LPP: variants seen among roughly 807,000 people sequenced by gnomAD.
The protein encoded by LPP is lipoma-preferred partner.
A neutral mutation model predicts 60.4 loss-of-function variants in LPP; 38 were observed. The ratio of observed to expected loss-of-function variants is 0.63; its 90% CI spans 0.49 to 0.83. LPP has a LOEUF of 0.83. Among genes scored for constraint, LPP ranks in the 40% least tolerant of loss-of-function variants. The pLI, the probability that LPP is intolerant of heterozygous loss-of-function variation, is 0.00. For missense variants in LPP, 902 were observed against 783.6 expected, an observed-to-expected ratio of 1.15 and a Z score of -1.80; for synonymous variants, 328 against 290.8, an observed-to-expected ratio of 1.13 and a Z score of -1.30.
intron 7 of LPP, among the ~76,000 whole-genome samples, chr3:188,690,252 C>T (rs148985506): frequency 6.6e-5 from 10 of 152,260 alleles, no homozygotes; most frequent in East Asian, 3.9e-4. Context: ...CTCTGGCTCC[C>T]GAGTCCAGTG....
chr3:188,682,662 A>C (rs1859786027), intron 7 of LPP, among the ~76,000 whole-genome samples: 1 of 152,240 alleles, frequency 6.6e-6, no homozygotes, highest in Non-Finnish European at 1.5e-5. Flanking sequence ...ATTGTAGCTC[A>C]TGTTGGCAAG....
At chr3:188,592,927 A>C (rs1312597976) in intron 6 of LPP, among the ~76,000 whole-genome samples, 1 of 152,158 alleles carries the variant, frequency 6.6e-6, no homozygotes, top group Non-Finnish European at 1.5e-5. Flanking sequence ...ATATTATTTT[A>C]TTTAAACATT....
chr3:188,535,125 G>T (rs3796287), intron 6 of LPP, among the ~76,000 whole-genome samples: 72,312 of 151,820 alleles, frequency 0.48, 18,105 homozygotes, highest in East Asian at 0.92. Flanking sequence ...AACCATTTGC[G>T]CATTTTGGTC....
At chr3:188,867,684 AG>A (rs769807362) in intron 10 of LPP, among the ~76,000 whole-genome samples, 9 of 152,196 alleles carry the variant, frequency 5.9e-5, no homozygotes, top group Non-Finnish European at 1.3e-4. Flanking sequence ...CTAAACCTAT[AG>A]ATATGATCTG....
At chr3:188,703,932 A>AT (rs1162535772) in intron 7 of LPP, among the ~76,000 whole-genome samples, 4 of 152,172 alleles carry the variant, frequency 2.6e-5, no homozygotes, top group Non-Finnish European at 5.9e-5. Context: ...AGGGAAACTG[A>AT]TATTAGGTTG....
At chr3:188,233,850 G>A (rs556234427) in intron 2 of LPP, among the ~76,000 whole-genome samples, 16 of 151,696 alleles carry the variant, frequency 1.1e-4, no homozygotes, top group African/African-American at 3.4e-4. Flanking sequence ...CATTTTCTTC[G>A]CTCCCAATCC....
chr3:188,484,666 C>T lies in LPP; in HGVS notation c.268C>T (p.Pro90Ser). 1.2e-6 allele frequency: 2 copies of T among 1,613,732 alleles called. No individual in the cohort carries two copies. Among genetic ancestry groups the T allele is most frequent in the Admixed American group, 1.7e-5 (1 of 60,016 alleles). Residue 90 changes from proline (P) to serine (S), a missense_variant, in exon 5 of 12, where the codon CCT becomes TCT. Physicochemically the swap from Pro to Ser is moderately conservative, Grantham distance 74. Coordinates refer to ENST00000617246, the MANE Select transcript of LPP (RefSeq NM_001375462.1). Reference sequence around the variant, plus strand: ...TCCATCTATCTCTGGAAACTTTCCTCCTCCACCACCTCTTGATGAAGAGGC... The same window carrying T: ...TCCATCTATCTCTGGAAACTTTCCTTCTCCACCACCTCTTGATGAAGAGGC... Reference protein sequence around the residue: ...ALPSISGNFPPPPPLDEEAFK... With the variant: ...ALPSISGNFPSPPPLDEEAFK...
intron 6 of LPP, among the ~76,000 whole-genome samples, chr3:188,561,695 A>C (rs976647809): frequency 6.6e-6 from 1 of 151,994 alleles, no homozygotes; most frequent in Non-Finnish European, 1.5e-5. Context: ...AGCATGTTCT[A>C]CTTCCCACTT....
rs192101401 is a variant in LPP, at chr3:188,563,744, T to C, written c.429+38957T>C. Among the ~76,000 whole-genome samples, 356 of 151,656 alleles carry C rather than the reference T, an allele frequency of 2.3e-3. 2 individuals are homozygous for C. Among genetic ancestry groups the C allele is most frequent in the African/African-American group, 4.6e-3 (191 of 41,394 alleles). On this transcript the variant is annotated intron_variant, in intron 6 of 11. Transcript: ENST00000617246. ...TTTTTTTTTGTTTTTTTTTTGTTTT[T>C]TTGAGATTATCAAAATTCAGTGTGG...
rs74546282 is a variant in LPP, at chr3:188,493,203, C to T, written c.306+8499C>T. Among the ~76,000 whole-genome samples, 1,045 of 152,208 alleles carry T rather than the reference C, an allele frequency of 6.9e-3. 17 individuals are homozygous for T. Among genetic ancestry groups the T allele is most frequent in the African/African-American group, 0.023 (952 of 41,518 alleles). On this transcript the variant is annotated intron_variant, in intron 5 of 11. Coordinates refer to ENST00000617246, the MANE Select transcript of LPP (RefSeq NM_001375462.1). ...AAAGCTTGGCTATAAGTAGAATTCT[C>T]GGGTCAAATTTGCTTTACTTCAGTA... is the stretch of plus-strand genomic sequence containing the variant.
At chr3:188,738,344 C>G (rs952056098) in intron 8 of LPP, among the ~76,000 whole-genome samples, 11 of 152,120 alleles carry the variant, frequency 7.2e-5, no homozygotes, top group Non-Finnish European at 1.3e-4. Flanking sequence ...ATTTCCTCAG[C>G]AACTCTAATT....
chr3:188,194,465 TCA>T (rs1365138782), intron 1 of LPP, among the ~76,000 whole-genome samples: 1 of 152,160 alleles, frequency 6.6e-6, no homozygotes, highest in Non-Finnish European at 1.5e-5. Flanking sequence ...TCTCCCAGGC[TCA>T]CTCCGTCCTG....
rs374677166 is a variant in LPP, at chr3:188,866,425, T to A, written c.1589+47T>A. The A allele has an allele frequency of 1.2e-5, 17 of 1,372,924 alleles. No homozygotes were observed. In the African/African-American group the frequency reaches 2.4e-4, roughly 19 times the overall value. The allele number at this position is 1,372,924 out of a possible 1,614,324, so 85.0% of individuals were successfully genotyped here. ...CACCACCCTGCCAGTCCTTTTGGAG[T>A]CTGTTCTTACTGCTTGGCATCTGGG... On this transcript the variant is annotated intron_variant, in intron 10 of 11. Coordinates refer to ENST00000617246, the MANE Select transcript of LPP (RefSeq NM_001375462.1).
chr3:188,692,307 G>A (rs1378042005), intron 7 of LPP, among the ~76,000 whole-genome samples: 1 of 152,180 alleles, frequency 6.6e-6, no homozygotes, highest in Non-Finnish European at 1.5e-5. Flanking sequence ...ACATCTTCAT[G>A]CACAGCACAG....
At chr3:188,565,644 C>T (rs6791771) in intron 6 of LPP, among the ~76,000 whole-genome samples, 120,860 of 151,812 alleles carry the variant, frequency 0.8, 48,279 homozygotes, top group East Asian at 0.94. Flanking sequence ...TAAAACTGAA[C>T]GGGGTTTTTG....
intron 5 of LPP, among the ~76,000 whole-genome samples, chr3:188,492,935 A>G (rs1808831644): frequency 6.6e-6 from 1 of 152,196 alleles, no homozygotes; most frequent in African/African-American, 2.4e-5. Flanking sequence ...TCTTTTGAGA[A>G]TTGTTTCTTG....
chr3:188,355,150 A>C lies in LPP; in HGVS notation c.-10+13431A>C, dbSNP rs1421930241. Reference sequence around the variant, plus strand: ...CAGCCTCCCGAGTAGCTGGGACTACAGGCGCCCGCCACCACACCTGGCTAA... The same window carrying C: ...CAGCCTCCCGAGTAGCTGGGACTACCGGCGCCCGCCACCACACCTGGCTAA... On this transcript the variant is annotated intron_variant, in intron 3 of 11. Transcript: ENST00000617246. Among the ~76,000 whole-genome samples the C allele has an allele frequency of 9.2e-5, 14 of 152,036 alleles. 1 individual carries two copies. Among genetic ancestry groups the C allele is most frequent in the Non-Finnish European group, 4.4e-5 (3 of 67,994 alleles).
rs16863375 is a variant in LPP at position 188,488,202 on chromosome 3, T to A, written c.306+3498T>A. Among the ~76,000 whole-genome samples, 796 of 152,282 alleles carry A rather than the reference T, an allele frequency of 5.2e-3. 4 individuals carry two copies. Among genetic ancestry groups the A allele is most frequent in the South Asian group, 0.025 (122 of 4,830 alleles). ...AGTCCTCTAGCAGACTTCAAGGCTC[T>A]GAGATTCATTGCAGAGGGTTACACG... On this transcript the variant is annotated intron_variant, in intron 5 of 11. Transcript: ENST00000617246.
At chr3:188,252,075 T>TACACACAC (rs1187257468) in intron 2 of LPP, among the ~76,000 whole-genome samples, 56 of 58,490 alleles carry the variant, frequency 9.6e-4, no homozygotes, top group African/African-American at 3.7e-3. Context: ...TATATATATA[T>TACACACAC]ACACACACAC....
Sources: allele counts gnomAD v4.1 joint callset (sites outside exome capture counted in the v4.1 genomes callset), GRCh38; gene constraint gnomAD v4.1.1; transcripts MANE v1.5; gene names NCBI Gene and HGNC (gene_info 2026-07-23, HGNC 2026-07-21).